The following COL28A1 variants were observed in gnomAD, a reference collection of about 807,000 sequenced individuals.
The protein encoded by COL28A1 is collagen alpha-1(XXVIII) chain.
Under a neutral mutation model 150.2 loss-of-function variants are expected in COL28A1, and 161 were observed. That is an observed-to-expected ratio of 1.07 (90% CI 0.94 to 1.22). The LOEUF (loss-of-function observed/expected upper bound fraction) is 1.22, where lower values mean the gene tolerates loss of function less well. Ranked by LOEUF, COL28A1 falls within the 50% of genes most tolerant of loss-of-function variation. The probability of loss-of-function intolerance (pLI) is 0.00; values close to 1 mark genes in which losing one functional copy is unlikely to be tolerated. For missense variants in COL28A1, 1,617 were observed against 1,388.3 expected (o/e 1.16, Z -2.62); for synonymous variants, 552 against 469.7 (o/e 1.18, Z -2.26).
At chr7:7,543,595 G>A in the COL28A1 span, among the ~76,000 whole-genome samples, 1 of 152,078 alleles carries the variant, frequency 6.6e-6, no homozygotes, top group Non-Finnish European at 1.5e-5. Flanking sequence ...GGGTTGCAAA[G>A]AGAAACACAA....
intron 27 of COL28A1, among the ~76,000 whole-genome samples, chr7:7,400,167 C>A (rs1390914248): frequency 1.3e-5 from 2 of 152,194 alleles, no homozygotes; most frequent in African/African-American, 2.4e-5. Context: ...AAACAGTGGC[C>A]CCTAGATATC....
At chr7:7,500,885 G>A (rs996515834) in intron 11 of COL28A1, among the ~76,000 whole-genome samples, 2 of 152,156 alleles carry the variant, frequency 1.3e-5, no homozygotes, top group African/African-American at 4.8e-5. Context: ...GTGGTGTGGT[G>A]CAAGCTTCAG....
chr7:7,343,729 C>T, the COL28A1 span, among the ~76,000 whole-genome samples: 3 of 151,792 alleles, frequency 2.0e-5, no homozygotes, highest in African/African-American at 7.3e-5. Flanking sequence ...ATTTATGGGC[C>T]AACTGCTGTG....
Position 7,405,056 on chromosome 7 carries a change from A to G in COL28A1, c.2136+12803T>C, listed in dbSNP as rs1783419634. Among the ~76,000 whole-genome samples the G allele has an allele frequency of 2.0e-5, 3 of 152,232 alleles. No individual in the cohort carries two copies. The South Asian group carries it at 6.2e-4, about 32-fold the overall frequency. ...GTGCTACCATGCCCAGCTAATTTCA[A>G]TAATCATTTATTGAATAAATTTCTG... On this transcript the variant is annotated intron_variant, in intron 27 of 34. Transcript: ENST00000399429.
intron 25 of COL28A1, among the ~76,000 whole-genome samples, chr7:7,425,982 G>A (rs981591033): frequency 7.9e-5 from 12 of 152,104 alleles, no homozygotes; most frequent in African/African-American, 2.7e-4. Flanking sequence ...ACACTAATGA[G>A]GCTTTAATCA....
chr7:7,436,089 G>C (rs1785319337), intron 23 of COL28A1, among the ~76,000 whole-genome samples: 1 of 152,178 alleles, frequency 6.6e-6, no homozygotes, highest in African/African-American at 2.4e-5. Flanking sequence ...AGATACTTCA[G>C]CCACTAATAT....
chr7:7,440,990 C>T, intron 20 of COL28A1, 129 bp from the exon 21 acceptor site: 1 of 501,454 alleles, frequency 2.0e-6, no homozygotes. Context: ...CTGAGCACAG[C>T]TCAATTGCGC....
intron 27 of COL28A1, among the ~76,000 whole-genome samples, chr7:7,381,937 T>G (rs749209613): frequency 6.6e-6 from 1 of 152,194 alleles, no homozygotes; most frequent in Non-Finnish European, 1.5e-5. Flanking sequence ...ACATAACAGA[T>G]AGCTGCTATT....
chr7:7,341,383 T>C, the COL28A1 span, among the ~76,000 whole-genome samples: 1 of 152,106 alleles, frequency 6.6e-6, no homozygotes, highest in Non-Finnish European at 1.5e-5. Context: ...CATCTCATTA[T>C]TTTCTTTTTT....
chr7:7,453,607 C>G, intron 16 of COL28A1, 99 bp from the exon 17 acceptor site: 1 of 706,740 alleles, frequency 1.4e-6, no homozygotes. Flanking sequence ...AAGTTACTTA[C>G]ACTCAATAAG....
intron 25 of COL28A1, among the ~76,000 whole-genome samples, chr7:7,421,818 T>C (rs575259851): frequency 6.6e-6 from 1 of 152,356 alleles, no homozygotes; most frequent in African/African-American, 2.4e-5. Flanking sequence ...ACTTTTATTA[T>C]ACTGTCTCCA....
chr7:7,422,867 T>C (rs962480661), intron 25 of COL28A1, among the ~76,000 whole-genome samples: 3 of 152,152 alleles, frequency 2.0e-5, no homozygotes, highest in African/African-American at 7.2e-5. Context: ...ACCATGAGGA[T>C]ATCATCAGCA....
intron 27 of COL28A1, among the ~76,000 whole-genome samples, chr7:7,399,018 C>T (rs117557870): frequency 0.012 from 1,774 of 152,292 alleles, 22 homozygotes; most frequent in Non-Finnish European, 0.015. Flanking sequence ...CATAGAATCT[C>T]CAATTCTCTA....
chr7:7,473,388 T>A (rs1209258831), intron 15 of COL28A1, among the ~76,000 whole-genome samples: 3 of 151,978 alleles, frequency 2.0e-5, no homozygotes, highest in Non-Finnish European at 4.4e-5. Context: ...AGGACATGAA[T>A]ACACAATTCT....
intron 25 of COL28A1, chr7:7,431,438 T>C (rs774712789): frequency 2.3e-6 from 1 of 438,124 alleles, no homozygotes; most frequent in Non-Finnish European, 4.8e-6. Flanking sequence ...TACAGAGGGG[T>C]TGGGGTAGTA....
intron 33 of COL28A1, among the ~76,000 whole-genome samples, chr7:7,367,863 A>G (rs1007833634): frequency 2.6e-5 from 4 of 151,026 alleles, no homozygotes; most frequent in African/African-American, 9.7e-5. Context: ...ATCTCAGTAT[A>G]TAGTGTTTCA....
At chr7:7,411,794 C>A (rs191574993) in intron 27 of COL28A1, among the ~76,000 whole-genome samples, 129 of 152,268 alleles carry the variant, frequency 8.5e-4, no homozygotes, top group Admixed American at 2.0e-3. Flanking sequence ...ATTATCAATG[C>A]TCTAAGCTTC....
At chr7:7,421,299 C>G (rs1784380057) in intron 25 of COL28A1, among the ~76,000 whole-genome samples, 1 of 152,136 alleles carries the variant, frequency 6.6e-6, no homozygotes, top group South Asian at 2.1e-4. Context: ...GGGCCAGGGA[C>G]AGCAACATGG....
chr7:7,499,211 G>T (rs73049756), intron 11 of COL28A1, among the ~76,000 whole-genome samples: 1 of 152,074 alleles, frequency 6.6e-6, no homozygotes, highest in Non-Finnish European at 1.5e-5. Flanking sequence ...AGACTTTGAC[G>T]TCTTTGAAGG....
Sources: allele counts gnomAD v4.1 joint callset (sites outside exome capture counted in the v4.1 genomes callset), GRCh38; gene constraint gnomAD v4.1.1; transcripts MANE v1.5; gene names NCBI Gene and HGNC (gene_info 2026-07-23, HGNC 2026-07-21).